Variants in KCNC2 observed in about 807,000 individuals in gnomAD.
KCNC2 encodes potassium voltage-gated channel subfamily C member 2.
A neutral mutation model predicts 44.5 loss-of-function variants in KCNC2; 21 were observed. That is an observed-to-expected ratio of 0.47 (90% confidence interval 0.33 to 0.68). The LOEUF (loss-of-function observed/expected upper bound fraction) is 0.68. KCNC2 is among the 30% of genes least tolerant of loss of function. KCNC2 has a pLI of 0.01. For missense variants in KCNC2, 589 were observed against 826.2 expected, an observed-to-expected ratio of 0.71 and a Z score of 3.52; for synonymous variants, 391 against 339.1, an observed-to-expected ratio of 1.15 and a Z score of -1.68.
At chr12:75,098,515 T>C (rs1444062741) in intron 2 of KCNC2, among the ~76,000 whole-genome samples, 1 of 152,136 alleles carries the variant, frequency 6.6e-6, no homozygotes, top group African/African-American at 2.4e-5. Context: ...TCCCAGCAAA[T>C]TGGGAGGCCA....
At chr12:75,115,747 C>T (rs548618174) in intron 2 of KCNC2, among the ~76,000 whole-genome samples, 151 of 152,032 alleles carry the variant, frequency 9.9e-4, no homozygotes, top group Non-Finnish European at 1.5e-3. Context: ...TGTGATTCTT[C>T]GTATCTTTTT....
At chr12:75,084,328 A>C (rs1884805782) in intron 2 of KCNC2, among the ~76,000 whole-genome samples, 2 of 151,876 alleles carry the variant, frequency 1.3e-5, no homozygotes, top group African/African-American at 4.8e-5. Context: ...AGATAGATAG[A>C]TAGATATACT....
chr12:75,082,038 T>C (rs1404607420), intron 2 of KCNC2, among the ~76,000 whole-genome samples: 1 of 152,016 alleles, frequency 6.6e-6, no homozygotes, highest in Non-Finnish European at 1.5e-5. Flanking sequence ...GTTGCCTTTC[T>C]GCTAAGTTTA....
chr12:75,064,753 T>C (rs554804417), intron 2 of KCNC2, among the ~76,000 whole-genome samples: 92 of 152,198 alleles, frequency 6.0e-4, no homozygotes, highest in African/African-American at 1.6e-3. Flanking sequence ...CAAGCTTATT[T>C]CTTATGAGAG....
chr12:75,154,245 C>A (rs907777469), intron 2 of KCNC2, among the ~76,000 whole-genome samples: 1 of 152,136 alleles, frequency 6.6e-6, no homozygotes, highest in African/African-American at 2.4e-5. Context: ...AAGCATGCAA[C>A]TATCACATTT....
At position 75,082,444 on chromosome 12, in the gene KCNC2, T is replaced by C. The variant is rs572228133; in HGVS notation, c.688-31127A>G. Among the ~76,000 whole-genome samples, 12 of 151,894 alleles carry C rather than the reference T, an allele frequency of 7.9e-5. No individual in the cohort carries two copies. The South Asian group carries it at 2.1e-3, about 26-fold the overall frequency. On this transcript the variant is annotated intron_variant, in intron 2 of 4. Coordinates refer to ENST00000549446, the MANE Select transcript of KCNC2 (RefSeq NM_139137.4). ...GTTATTCTGGTTGTCAGAAGATTAA[T>C]TTAGTAATATGACCCTAAAATCTTG...
chr12:75,064,805 T>C (rs1882667066), intron 2 of KCNC2, among the ~76,000 whole-genome samples: 1 of 152,046 alleles, frequency 6.6e-6, no homozygotes, highest in African/African-American at 2.4e-5. Flanking sequence ...GAAAATATTT[T>C]CTTTTTATTG....
rs751849483 is a variant in KCNC2, at chr12:75,071,937, C to CAAAAAAAAAAAA, written c.688-20632_688-20621dup. Among the ~76,000 whole-genome samples, 123 of 67,334 alleles carry CAAAAAAAAAAAA rather than the reference C, an allele frequency of 1.8e-3. 14 individuals carry two copies. Among genetic ancestry groups the CAAAAAAAAAAAA allele is most frequent in the African/African-American group, 9.5e-3 (117 of 12,352 alleles). 44.2% of individuals were successfully genotyped at this position (67,334 alleles called of 152,430 possible). A position where few individuals can be genotyped will look rare whatever the true frequency, so the allele number is the denominator to read the frequency against. ...TGGGCGACAGAGCGAGACTCCTTCT[C>CAAAAAAAAAAAA]AAAAAAAAAAAAAAAAAAAAAAAAA... On this transcript the variant is annotated intron_variant, in intron 2 of 4. Coordinates refer to ENST00000549446, the MANE Select transcript of KCNC2 (RefSeq NM_139137.4).
intron 2 of KCNC2, among the ~76,000 whole-genome samples, chr12:75,171,888 A>T (rs1891847123): frequency 6.6e-6 from 1 of 151,832 alleles, no homozygotes; most frequent in Admixed American, 6.6e-5. Context: ...GCTGCTATGT[A>T]TCAACAAAAA....
intron 2 of KCNC2, among the ~76,000 whole-genome samples, chr12:75,168,054 A>G (rs957882733): frequency 2.0e-5 from 3 of 151,408 alleles, no homozygotes; most frequent in Non-Finnish European, 4.4e-5. Flanking sequence ...TGGAATTGCT[A>G]TCTTTAAATG....
At chr12:75,150,546 A>G (rs761152032) in intron 2 of KCNC2, among the ~76,000 whole-genome samples, 13 of 151,884 alleles carry the variant, frequency 8.6e-5, no homozygotes, top group Non-Finnish European at 1.3e-4. Context: ...GACTAAGTTG[A>G]TCTTTCCTAT....
At chr12:75,099,289 C>T (rs1184536644) in intron 2 of KCNC2, among the ~76,000 whole-genome samples, 1 of 152,106 alleles carries the variant, frequency 6.6e-6, no homozygotes, top group Non-Finnish European at 1.5e-5. Context: ...TGCACAAACC[C>T]TCAACTGTAT....
chr12:75,084,297 TAGATAGATA>T (rs1884792175), intron 2 of KCNC2, among the ~76,000 whole-genome samples: 1 of 148,084 alleles, frequency 6.8e-6, no homozygotes, highest in African/African-American at 2.6e-5. Context: ...AGATGATAGA[TAGATAGATA>T]GATAGATAGA....
At chr12:75,127,404 T>C (rs1888508917) in intron 2 of KCNC2, among the ~76,000 whole-genome samples, 1 of 152,202 alleles carries the variant, frequency 6.6e-6, no homozygotes, top group African/African-American at 2.4e-5. Flanking sequence ...CTCAATAGTC[T>C]GTATTATTTC....
intron 2 of KCNC2, among the ~76,000 whole-genome samples, chr12:75,172,875 GCTGT>G (rs1348010509): frequency 2.0e-5 from 3 of 151,794 alleles, no homozygotes; most frequent in African/African-American, 4.8e-5. Context: ...CCAGTTCAGG[GCTGT>G]CTAACTTCCT....
Position 75,187,180 on chromosome 12 carries a change from T to C in KCNC2, c.687+20117A>G, listed in dbSNP as rs1195822567. Among the ~76,000 whole-genome samples the C allele has an allele frequency of 2.9e-4, 44 of 152,210 alleles. 1 individual carries two copies. The highest frequency in any genetic ancestry group is 2.9e-3 in the Admixed American group (44 of 15,278). On this transcript the variant is annotated intron_variant, in intron 2 of 4. Transcript: ENST00000549446. ...GTTTTAAATGAAACTTGTAAGAGGC[T>C]TTAATACACAATGTGCATTGTAAAT...
intron 2 of KCNC2, among the ~76,000 whole-genome samples, chr12:75,134,972 G>A (rs534303726): frequency 2.5e-4 from 38 of 151,888 alleles, no homozygotes; most frequent in African/African-American, 8.9e-4. Context: ...CTCACAGAAA[G>A]GAACGGCTTT....
At chr12:75,064,968 C>A (rs1882686499) in intron 2 of KCNC2, among the ~76,000 whole-genome samples, 1 of 151,804 alleles carries the variant, frequency 6.6e-6, no homozygotes, top group African/African-American at 2.4e-5. Flanking sequence ...ATAGCACCAA[C>A]AAATATTATA....
chr12:75,075,804 C>T (rs1406088491), intron 2 of KCNC2, among the ~76,000 whole-genome samples: 1 of 152,020 alleles, frequency 6.6e-6, no homozygotes, highest in East Asian at 1.9e-4. Context: ...GGTGTAGGAT[C>T]TTTTCAAGAT....
Sources: allele counts gnomAD v4.1 joint callset (sites outside exome capture counted in the v4.1 genomes callset), GRCh38; gene constraint gnomAD v4.1.1; transcripts MANE v1.5; gene names NCBI Gene and HGNC (gene_info 2026-07-23, HGNC 2026-07-21).